Variants in C1GALT1 observed in about 807,000 individuals in gnomAD.
The protein encoded by C1GALT1 is core 1 synthase, glycoprotein-N-acetylgalactosamine 3-beta-galactosyltransferase 1, also known as glycoprotein-N-acetylgalactosamine 3-beta-galactosyltransferase 1.
In C1GALT1, 11 loss-of-function variants were observed where a neutral mutation model predicts 31.0. The ratio of observed to expected loss-of-function variants is 0.36; its 90% CI spans 0.22 to 0.59. The LOEUF (loss-of-function observed/expected upper bound fraction) is 0.59. Ranked by LOEUF, C1GALT1 falls within the 20% of genes least tolerant of loss-of-function variation. The probability of loss-of-function intolerance (pLI) is 0.79; values close to 1 mark genes in which losing one functional copy is unlikely to be tolerated. For missense variants in C1GALT1, 424 were observed against 425.2 expected (o/e 1.00, Z 0.03); for synonymous variants, 175 against 143.6 (o/e 1.22, Z -1.56).
intron 1 of C1GALT1, among the ~76,000 whole-genome samples, chr7:7,212,811 A>C (rs1016775449): frequency 6.6e-6 from 1 of 152,154 alleles, no homozygotes; most frequent in African/African-American, 2.4e-5. Context: ...GCTGGGAGGA[A>C]TGTTACAAAG....
intron 3 of C1GALT1, among the ~76,000 whole-genome samples, chr7:7,240,263 A>T (rs1291892256): frequency 3.3e-5 from 5 of 152,170 alleles, no homozygotes; most frequent in African/African-American, 4.8e-5. Context: ...AATGCTAAAC[A>T]TCCTAAAATG....
chr7:7,174,340 G>T (rs879334322), intron 2 of C1GALT1, among the ~76,000 whole-genome samples: 2 of 152,206 alleles, frequency 1.3e-5, no homozygotes, highest in Admixed American at 1.3e-4. Flanking sequence ...TCAAATGCAG[G>T]TTTTTGTGTG....
chr7:7,192,355 T>C (rs780015611), intron 1 of C1GALT1, among the ~76,000 whole-genome samples: 7 of 152,080 alleles, frequency 4.6e-5, no homozygotes, highest in Non-Finnish European at 8.8e-5. Flanking sequence ...TGCATCCTCA[T>C]AGCTTAGTTC....
At position 7,238,805 on chromosome 7, in the gene C1GALT1, C is replaced by T; in HGVS notation, c.771C>T (p.Ser257=). ...MEIMNVEAGD[S]RDTIGKETFH... ...TTATGAATGTAGAAGCAGGAGATTCCAGAGATACCATTGGAAAAGAAACTT... is the reference window on the plus strand; with the variant it reads ...TTATGAATGTAGAAGCAGGAGATTCTAGAGATACCATTGGAAAAGAAACTT... The change falls in exon 3 of 4, where the codon TCC becomes TCT. Residue 257 remains serine, a synonymous_variant. Transcript: ENST00000436587. The surrounding 1 kb of genome is among the most constrained non-coding windows in gnomAD (Gnocchi z 5.2). The T allele has an allele frequency of 6.2e-7, 1 of 1,613,766 alleles. No individual in the cohort carries two copies. The highest frequency in any genetic ancestry group is 8.5e-7 in the Non-Finnish European group (1 of 1,179,924).
chr7:7,230,040 C>T (rs1388625719), intron 1 of C1GALT1, among the ~76,000 whole-genome samples: 6 of 152,154 alleles, frequency 3.9e-5, no homozygotes, highest in Admixed American at 2.0e-4. Flanking sequence ...TGTTCCTTCA[C>T]CTCTCCTCTT....
At chr7:7,193,185 T>C in intron 1 of C1GALT1, among the ~76,000 whole-genome samples, 1 of 152,208 alleles carries the variant, frequency 6.6e-6, no homozygotes. Context: ...TTTGTTTTTG[T>C]TGAATTTGTT....
chr7:7,211,526 T>A (rs1057065333), intron 1 of C1GALT1, among the ~76,000 whole-genome samples: 3 of 152,206 alleles, frequency 2.0e-5, no homozygotes, highest in African/African-American at 7.2e-5. Context: ...ATGGAAACTC[T>A]GTCCAATATT....
intron 1 of C1GALT1, among the ~76,000 whole-genome samples, chr7:7,199,177 G>C (rs988143666): frequency 6.6e-6 from 1 of 152,104 alleles, no homozygotes; most frequent in Non-Finnish European, 1.5e-5. Context: ...GTCATTTAGT[G>C]CTATAAATTT....
intron 1 of C1GALT1, among the ~76,000 whole-genome samples, chr7:7,225,324 TAGCAAA>T (rs1256200512): frequency 6.6e-6 from 1 of 152,212 alleles, no homozygotes; most frequent in Non-Finnish European, 1.5e-5. Flanking sequence ...CCTGTGTCAT[TAGCAAA>T]ACTAAACTCC....
rs1783243153 is a variant in C1GALT1, at chr7:7,234,472, AGAT to A, written c.157_159del (p.Asp53del). ...ATAATGATCCTCATGCAAGGCATTC[AGAT>A]GATAATGGACAGAATCATCTAGAAG... On this transcript the variant is annotated inframe_deletion, in exon 2 of 4. Transcript: ENST00000436587. 1.9e-6 allele frequency: 3 copies of A among 1,613,888 alleles called. No homozygotes were observed. The highest frequency in any genetic ancestry group is 1.3e-5 in the African/African-American group (1 of 74,934).
chr7:7,194,153 G>A (rs578241347), intron 1 of C1GALT1, among the ~76,000 whole-genome samples: 4 of 152,108 alleles, frequency 2.6e-5, no homozygotes, highest in African/African-American at 9.6e-5. Context: ...TTACTGATTT[G>A]ATGCCCTTTA....
intron 1 of C1GALT1, among the ~76,000 whole-genome samples, chr7:7,186,445 A>G (rs1038883167): frequency 6.6e-6 from 1 of 152,204 alleles, no homozygotes; most frequent in Non-Finnish European, 1.5e-5. Context: ...CTGCAGCATC[A>G]TCATCACCTG....
intron 2 of C1GALT1, among the ~76,000 whole-genome samples, chr7:7,161,777 G>A (rs148728827): frequency 1.3e-3 from 202 of 152,164 alleles, no homozygotes; most frequent in African/African-American, 4.6e-3. Context: ...AGAAATATAG[G>A]AAAACATGAA....
At chr7:7,220,795 C>T (rs1782478093) in intron 1 of C1GALT1, among the ~76,000 whole-genome samples, 1 of 152,216 alleles carries the variant, frequency 6.6e-6, no homozygotes, top group African/African-American at 2.4e-5. Context: ...GCTGGGATTA[C>T]AGGTGCGCCC....
At chr7:7,166,694 T>G (rs540434063) in intron 2 of C1GALT1, among the ~76,000 whole-genome samples, 1 of 152,330 alleles carries the variant, frequency 6.6e-6, no homozygotes, top group South Asian at 2.1e-4. Flanking sequence ...GTTATACTAT[T>G]TACAAATTGC....
At chr7:7,177,479 T>C (rs1780516844) in intron 2 of C1GALT1, among the ~76,000 whole-genome samples, 2 of 152,192 alleles carry the variant, frequency 1.3e-5, no homozygotes, top group African/African-American at 4.8e-5. Flanking sequence ...TTTAAGTACC[T>C]CTGTCACAAC....
intron 1 of C1GALT1, among the ~76,000 whole-genome samples, chr7:7,225,225 A>G (rs555386567): frequency 6.6e-6 from 1 of 152,214 alleles, no homozygotes; most frequent in East Asian, 1.9e-4. Flanking sequence ...TTTTAATGTA[A>G]ACAGTTAGTG....
chr7:7,201,987 G>A (rs914395181), intron 1 of C1GALT1, among the ~76,000 whole-genome samples: 6 of 152,228 alleles, frequency 3.9e-5, no homozygotes, highest in African/African-American at 1.4e-4. Context: ...AGTCAGGAAT[G>A]GCTTCCCTGG....
chr7:7,228,394 A>G (rs1374483681), intron 1 of C1GALT1, among the ~76,000 whole-genome samples: 3 of 152,208 alleles, frequency 2.0e-5, no homozygotes, highest in African/African-American at 4.8e-5. Context: ...CTGATTACAC[A>G]TCAGGTTTGG....
Sources: gnomAD v4.1 joint callset for allele counts (sites outside exome capture counted in the v4.1 genomes callset) on GRCh38, gnomAD v4.1.1 for gene constraint, Gnocchi (gnomAD v3.1) non-coding constraint, MANE v1.5 for transcripts, NCBI Gene and HGNC (gene_info 2026-07-23, HGNC 2026-07-21) for gene names.